SLC4A10: variants seen among roughly 807,000 people sequenced by gnomAD.
SLC4A10 encodes the protein sodium-driven chloride bicarbonate exchanger.
A neutral mutation model predicts 137.7 loss-of-function variants in SLC4A10; 42 were observed. That is an observed-to-expected ratio of 0.30 (90% confidence interval 0.24 to 0.39). The LOEUF (loss-of-function observed/expected upper bound fraction) is 0.39, where lower values mean the gene tolerates loss of function less well. Ranked by LOEUF, SLC4A10 falls within the 10% of genes least tolerant of loss-of-function variation. The probability of loss-of-function intolerance (pLI) is 1.00; values close to 1 mark genes in which losing one functional copy is unlikely to be tolerated. For missense variants in SLC4A10, 925 were observed against 1,355.0 expected (o/e 0.68, Z 4.98); for synonymous variants, 474 against 464.1 (o/e 1.02, Z -0.27).
intron 6 of SLC4A10, among the ~76,000 whole-genome samples, chr2:161,864,663 A>G (rs1462397865): frequency 6.6e-6 from 1 of 152,178 alleles, no homozygotes; most frequent in African/African-American, 2.4e-5. Context: ...TTTATGGTGA[A>G]TACCAACTTG....
chr2:161,776,529 G>T (rs2052355973), intron 2 of SLC4A10, among the ~76,000 whole-genome samples: 1 of 151,826 alleles, frequency 6.6e-6, no homozygotes, highest in African/African-American at 2.4e-5. Flanking sequence ...ATTGTGGCAT[G>T]AGTCAGAATT....
chr2:161,717,653 C>T (rs1177648494), intron 1 of SLC4A10, among the ~76,000 whole-genome samples: 2 of 152,042 alleles, frequency 1.3e-5, no homozygotes, highest in East Asian at 3.9e-4. Flanking sequence ...GACTTGATTG[C>T]GATGGATAAG....
chr2:161,668,462 G>A (rs967804923), intron 1 of SLC4A10, among the ~76,000 whole-genome samples: 2 of 151,794 alleles, frequency 1.3e-5, no homozygotes, highest in African/African-American at 4.8e-5. Context: ...CCAAAGTGGA[G>A]CAGGCAGCCT....
chr2:161,960,363 CAA>C (rs369670130), intron 21 of SLC4A10, among the ~76,000 whole-genome samples: 9 of 46,054 alleles, frequency 2.0e-4, no homozygotes, highest in African/African-American at 3.7e-4. Flanking sequence ...GACTCTGTCT[CAA>C]AAAAAAAAAA....
At chr2:161,835,074 G>C (rs1307451120) in intron 3 of SLC4A10, among the ~76,000 whole-genome samples, 1 of 142,748 alleles carries the variant, frequency 7.0e-6, no homozygotes, top group African/African-American at 2.6e-5. Context: ...GTCTTGCTCT[G>C]TCACACAGGC....
intron 2 of SLC4A10, among the ~76,000 whole-genome samples, chr2:161,795,479 A>G (rs934623949): frequency 3.3e-5 from 5 of 152,112 alleles, no homozygotes; most frequent in African/African-American, 7.2e-5. Context: ...AATCATTACT[A>G]GCATCAAAGC....
intron 21 of SLC4A10, among the ~76,000 whole-genome samples, chr2:161,961,476 G>A (rs901185786): frequency 6.6e-6 from 1 of 151,482 alleles, no homozygotes; most frequent in Non-Finnish European, 1.5e-5. Context: ...AGTGTAGTTT[G>A]ATAGAATTTG....
chr2:161,979,468 G>A (rs1312689692), intron 26 of SLC4A10, among the ~76,000 whole-genome samples: 1 of 152,208 alleles, frequency 6.6e-6, no homozygotes, highest in Non-Finnish European at 1.5e-5. Context: ...ATTGTGGAAT[G>A]AAAGTTTATC....
chr2:161,852,100 C>T (rs532060983), intron 4 of SLC4A10, among the ~76,000 whole-genome samples: 13 of 152,200 alleles, frequency 8.5e-5, no homozygotes, highest in African/African-American at 2.2e-4. Flanking sequence ...TGTTACCCAT[C>T]GCCTCACTGT....
At chr2:161,719,624 G>T (rs958039073) in intron 1 of SLC4A10, among the ~76,000 whole-genome samples, 2 of 152,126 alleles carry the variant, frequency 1.3e-5, no homozygotes, top group Admixed American at 1.3e-4. Context: ...TCTCATTGTG[G>T]TTTTGATTTG....
At chr2:161,773,845 C>T (rs2051983903) in intron 2 of SLC4A10, among the ~76,000 whole-genome samples, 1 of 151,670 alleles carries the variant, frequency 6.6e-6, no homozygotes, top group African/African-American at 2.4e-5. Context: ...GTCTTTTCCT[C>T]CTATTAAAAT....
intron 2 of SLC4A10, among the ~76,000 whole-genome samples, chr2:161,788,486 C>CTGG (rs2053870308): frequency 6.6e-6 from 1 of 151,900 alleles, no homozygotes; most frequent in Admixed American, 6.6e-5. Context: ...TTGGAGTGAA[C>CTGG]TGGTCTTGGT....
At position 161,690,545 on chromosome 2, in the gene SLC4A10, A is replaced by G. The variant is rs866230619; in HGVS notation, c.48+65979A>G. 3.9e-5 allele frequency among the ~76,000 whole-genome samples: 6 copies of G among 152,176 alleles called. No individual in the cohort carries two copies. In the East Asian group the frequency reaches 1.2e-3, roughly 29 times the overall value. ...ATAGCAAAGACATGGAATCAACCCA[A>G]ATGCCCATCAATAATAGACTGGATA... On this transcript the variant is annotated intron_variant, in intron 1 of 26. Transcript: ENST00000446997.
intron 1 of SLC4A10, among the ~76,000 whole-genome samples, chr2:161,730,847 A>T (rs1003178235): frequency 6.6e-6 from 1 of 152,220 alleles, no homozygotes; most frequent in Non-Finnish European, 1.5e-5. Context: ...AACCATATTC[A>T]TAACAACTGG....
intron 1 of SLC4A10, among the ~76,000 whole-genome samples, chr2:161,675,001 TTAA>T (rs1344318861): frequency 6.6e-6 from 1 of 152,226 alleles, no homozygotes; most frequent in African/African-American, 2.4e-5. Context: ...TTATAGCAGC[TTAA>T]TGGGACTTTA....
At chr2:161,883,616 C>A (rs1207847422) in intron 10 of SLC4A10, among the ~76,000 whole-genome samples, 1 of 152,082 alleles carries the variant, frequency 6.6e-6, no homozygotes, top group African/African-American at 2.4e-5. Flanking sequence ...ATTTTTGAGG[C>A]TAGAAGTTTG....
At chr2:161,927,609 C>T (rs1188227666) in intron 15 of SLC4A10, among the ~76,000 whole-genome samples, 7 of 152,064 alleles carry the variant, frequency 4.6e-5, no homozygotes, top group Admixed American at 6.6e-5. Context: ...AGAAAATTTT[C>T]GCAACCTACT....
intron 15 of SLC4A10, among the ~76,000 whole-genome samples, chr2:161,936,383 A>G (rs1691591364): frequency 6.6e-6 from 1 of 152,090 alleles, no homozygotes; most frequent in Non-Finnish European, 1.5e-5. Flanking sequence ...TAAATGGTTG[A>G]TGATTTCAGC....
chr2:161,847,486 C>T (rs904084539), intron 4 of SLC4A10, among the ~76,000 whole-genome samples: 11 of 152,006 alleles, frequency 7.2e-5, no homozygotes, highest in Admixed American at 3.9e-4. Context: ...CTCCACCTTA[C>T]CTGATAGATA....
Sources: allele counts gnomAD v4.1 joint callset (sites outside exome capture counted in the v4.1 genomes callset), GRCh38; gene constraint gnomAD v4.1.1; transcripts MANE v1.5; gene names NCBI Gene and HGNC (gene_info 2026-07-23, HGNC 2026-07-21).